The following FARS2 variants were observed in gnomAD, a reference collection of about 807,000 sequenced individuals.
FARS2 encodes the protein phenylalanine--tRNA ligase, mitochondrial.
FARS2 carries 40 observed loss-of-function variants against 46.4 expected under a neutral mutation model. That is an observed-to-expected ratio of 0.86 (90% CI 0.67 to 1.12). The LOEUF is 1.12. Ranked by LOEUF, FARS2 falls within the 50% of genes most tolerant of loss-of-function variation. The pLI is 0.00. For synonymous variants in FARS2, 234 were observed against 214.9 expected (o/e 1.09, Z -0.78); for missense variants, 513 against 567.9 (o/e 0.90, Z 0.98).
At position 5,382,751 on chromosome 6, in the gene FARS2, A is replaced by T. The variant is rs1426859088; in HGVS notation, c.612+13569A>T. Among the ~76,000 whole-genome samples, 8 of 152,302 alleles carry T rather than the reference A, an allele frequency of 5.3e-5. No homozygotes were observed. The East Asian group carries it at 1.5e-3, about 29-fold the overall frequency. ...ATATTAGTCAGGGTTCTCCAGAGCA[A>T]CCGAACCAATAGGATATAGCACAGA... On this transcript the variant is annotated intron_variant, in intron 2 of 6. Transcript: ENST00000274680.
At chr6:5,468,845 A>G (rs1399781601) in intron 4 of FARS2, among the ~76,000 whole-genome samples, 1 of 152,236 alleles carries the variant, frequency 6.6e-6, no homozygotes, top group African/African-American at 2.4e-5. Context: ...AGGGTAATGT[A>G]TGGGAGATGT....
intron 1 of FARS2, among the ~76,000 whole-genome samples, chr6:5,286,723 C>T (rs921060942): frequency 2.6e-5 from 4 of 152,116 alleles, no homozygotes; most frequent in African/African-American, 7.2e-5. Context: ...GTACCAAATA[C>T]ATTAATACCA....
intron 1 of FARS2, among the ~76,000 whole-genome samples, chr6:5,312,660 C>T (rs910924112): frequency 6.6e-6 from 1 of 152,132 alleles, no homozygotes; most frequent in South Asian, 2.1e-4. Flanking sequence ...CTCTTGTTCC[C>T]TAAAGAAATG....
chr6:5,381,340 G>C (rs998906214), intron 2 of FARS2, among the ~76,000 whole-genome samples: 3 of 150,298 alleles, frequency 2.0e-5, no homozygotes, highest in African/African-American at 7.4e-5. Context: ...CTATTTGAGA[G>C]TCTGATGAGA....
chr6:5,681,039 G>A (rs1483280623), intron 6 of FARS2, among the ~76,000 whole-genome samples: 1 of 152,232 alleles, frequency 6.6e-6, no homozygotes, highest in Non-Finnish European at 1.5e-5. Context: ...CGTGTTGAGT[G>A]TAAATCTCCA....
intron 1 of FARS2, among the ~76,000 whole-genome samples, chr6:5,354,447 T>G (rs1399535993): frequency 6.6e-6 from 1 of 152,138 alleles, no homozygotes; most frequent in Admixed American, 6.6e-5. Flanking sequence ...GATAAAAGCT[T>G]AGAATATGTT....
At chr6:5,584,626 T>G (rs1031848061) in intron 5 of FARS2, among the ~76,000 whole-genome samples, 3 of 152,190 alleles carry the variant, frequency 2.0e-5, no homozygotes, top group Non-Finnish European at 4.4e-5. Context: ...AGACAGGCCA[T>G]GTTAGATTTT....
At chr6:5,571,197 G>A (rs902167015) in intron 5 of FARS2, among the ~76,000 whole-genome samples, 1 of 152,194 alleles carries the variant, frequency 6.6e-6, no homozygotes, top group Non-Finnish European at 1.5e-5. Flanking sequence ...ACTAATTAGT[G>A]TTATTGTAAT....
chr6:5,738,266 A>T (rs1269602220), intron 6 of FARS2, among the ~76,000 whole-genome samples: 2 of 152,174 alleles, frequency 1.3e-5, no homozygotes, highest in African/African-American at 2.4e-5. Context: ...AGAATTTTTT[A>T]AATGTGTCCT....
At chr6:5,284,211 A>G (rs559786709) in intron 1 of FARS2, among the ~76,000 whole-genome samples, 1 of 152,336 alleles carries the variant, frequency 6.6e-6, no homozygotes, top group East Asian at 1.9e-4. Flanking sequence ...TTCTGTCATT[A>G]GCTCATTCTC....
chr6:5,582,239 C>T (rs1773379106), intron 5 of FARS2, among the ~76,000 whole-genome samples: 1 of 131,458 alleles, frequency 7.6e-6, no homozygotes, highest in Non-Finnish European at 1.6e-5. Flanking sequence ...CCGGTTAATT[C>T]CTGATGCGCT....
rs1176906061 is a variant in FARS2, at chr6:5,633,976, G to T, written c.1217+20656G>T. Among the ~76,000 whole-genome samples the T allele has an allele frequency of 1.3e-5, 2 of 152,006 alleles. 1 individual carries two copies. The highest frequency in any genetic ancestry group is 4.8e-5 in the African/African-American group (2 of 41,382). On this transcript the variant is annotated intron_variant, in intron 6 of 6. Transcript: ENST00000274680. ...TGCCTTTTATTATCCTTCATCATAT[G>T]TGGGGCATAAATTTATTTTATATTT...
chr6:5,399,125 ATT>A (rs200173799), intron 2 of FARS2, among the ~76,000 whole-genome samples: 9,055 of 135,238 alleles, frequency 0.067, 585 homozygotes, highest in African/African-American at 0.17. Flanking sequence ...ATTTTATATT[ATT>A]TTATTATTAT....
At chr6:5,559,562 A>G (rs1304592771) in intron 5 of FARS2, among the ~76,000 whole-genome samples, 2 of 152,216 alleles carry the variant, frequency 1.3e-5, no homozygotes, top group Non-Finnish European at 2.9e-5. Context: ...TATGTGTCCA[A>G]AAAACATTCT....
intron 5 of FARS2, among the ~76,000 whole-genome samples, chr6:5,610,815 C>G (rs1022955066): frequency 6.6e-6 from 1 of 152,226 alleles, no homozygotes; most frequent in Non-Finnish European, 1.5e-5. Flanking sequence ...GTGGCTTTGC[C>G]TGTCCAGCTT....
chr6:5,708,595 G>T (rs868270344), intron 6 of FARS2, among the ~76,000 whole-genome samples: 1 of 152,206 alleles, frequency 6.6e-6, no homozygotes, highest in East Asian at 1.9e-4. Context: ...CTCAAAGCAG[G>T]CTTCCTGCTG....
intron 3 of FARS2, among the ~76,000 whole-genome samples, chr6:5,415,305 CTTTTCTTTT>C (rs1307657853): frequency 4.4e-5 from 4 of 91,556 alleles, no homozygotes; most frequent in East Asian, 7.0e-4. Context: ...ATTTTCTTTT[CTTTTCTTTT>C]TTTTTTTTTT....
At chr6:5,729,585 G>A (rs764340426) in intron 6 of FARS2, among the ~76,000 whole-genome samples, 2 of 152,194 alleles carry the variant, frequency 1.3e-5, no homozygotes, top group Non-Finnish European at 1.5e-5. Flanking sequence ...CTTGGAAAAT[G>A]TTTAGGGTCT....
At chr6:5,365,186 G>T (rs976215199) in intron 1 of FARS2, among the ~76,000 whole-genome samples, 1 of 151,708 alleles carries the variant, frequency 6.6e-6, no homozygotes, top group East Asian at 1.9e-4. Flanking sequence ...ACTTATTCAT[G>T]CATTTATTTA....
Sources: gnomAD v4.1 joint callset for allele counts (sites outside exome capture counted in the v4.1 genomes callset) on GRCh38, gnomAD v4.1.1 for gene constraint, MANE v1.5 for transcripts, NCBI Gene and HGNC (gene_info 2026-07-23, HGNC 2026-07-21) for gene names.